Variants in RAPGEF2 observed in about 807,000 individuals in gnomAD.
The protein encoded by RAPGEF2 is PDZ domain containing guanine nucleotide exchange factor (GEF) 1.
RAPGEF2 carries 54 observed loss-of-function variants against 186.7 expected under a neutral mutation model. The observed-to-expected ratio is 0.29, with a 90% CI of 0.23 to 0.36. RAPGEF2 has a LOEUF of 0.36. RAPGEF2 is among the 10% of genes least tolerant of loss of function. The pLI is 1.00. For synonymous variants in RAPGEF2, 712 were observed against 705.9 expected (o/e 1.01, Z -0.14); for missense variants, 1,532 against 2,045.0 (o/e 0.75, Z 4.84).
At chr4:159,348,987 C>A (rs1220283027) in intron 25 of RAPGEF2, among the ~76,000 whole-genome samples, 3 of 152,124 alleles carry the variant, frequency 2.0e-5, no homozygotes, top group Non-Finnish European at 4.4e-5. Flanking sequence ...TCACTAGCAC[C>A]ACTTTTGAAG....
intron 1 of RAPGEF2, among the ~76,000 whole-genome samples, chr4:159,155,801 T>A (rs1744048493): frequency 6.6e-6 from 1 of 152,040 alleles, no homozygotes; most frequent in Non-Finnish European, 1.5e-5. Flanking sequence ...ATTTTTAATA[T>A]AACACTTATA....
intron 1 of RAPGEF2, among the ~76,000 whole-genome samples, chr4:159,173,900 C>T (rs1746173346): frequency 1.3e-5 from 2 of 152,104 alleles, no homozygotes. Flanking sequence ...GTCTGAGAGT[C>T]TATTAAAATA....
chr4:159,327,877 T>A (rs1766154879), intron 11 of RAPGEF2: 1 of 152,054 alleles, frequency 6.6e-6, no homozygotes, highest in Non-Finnish European at 1.5e-5. Flanking sequence ...TTTTTCCTTT[T>A]TGGATGGTGT....
rs749584006 is a variant in RAPGEF2 at position 159,338,457 on chromosome 4, G to A, written c.2282G>A (p.Ser761Asn). 4 of 1,613,074 alleles carry A rather than the reference G, an allele frequency of 2.5e-6. No individual in the cohort carries two copies. Among genetic ancestry groups the A allele is most frequent in the South Asian group, 2.2e-5 (2 of 90,952 alleles). The change falls in exon 18 of 30, where the codon AGT becomes AAT. Residue 761 changes from serine (S) to asparagine (N), a missense_variant. Around this residue, in one of 4 missense-constraint regions of RAPGEF2, gnomAD observed 810 missense variants for 1,210.5 expected, o/e 0.67. Transcript: ENST00000691494. Reference protein sequence around the residue: ...LQSHHRILDFSATPDLPDQVL... With the variant: ...LQSHHRILDFNATPDLPDQVL... ...TCACATCATCGCATTTTAGACTTCA[G>A]TGCTACTCCTGGTGAGTATCACCAA...
At chr4:159,354,634 A>C (rs1731690645) in intron 28 of RAPGEF2, among the ~76,000 whole-genome samples, 1 of 152,200 alleles carries the variant, frequency 6.6e-6, no homozygotes, top group Admixed American at 6.5e-5. Flanking sequence ...CCACTTTATT[A>C]GTTTTGTGAC....
At chr4:159,203,686 G>A (rs960111457) in intron 3 of RAPGEF2, among the ~76,000 whole-genome samples, 4 of 152,210 alleles carry the variant, frequency 2.6e-5, no homozygotes, top group Non-Finnish European at 4.4e-5. Context: ...GAAGTTTGCA[G>A]CATAAGGAAT....
chr4:159,171,413 A>G (rs1745891679), intron 1 of RAPGEF2, among the ~76,000 whole-genome samples: 1 of 152,166 alleles, frequency 6.6e-6, no homozygotes, highest in Non-Finnish European at 1.5e-5. Context: ...ACTGAGCCAC[A>G]GAGAGGTTGA....
At chr4:159,328,738 T>C (rs1766271048) in intron 11 of RAPGEF2, 1 of 152,328 alleles carries the variant, frequency 6.6e-6, no homozygotes, top group African/African-American at 2.4e-5. Context: ...TTTACTCATC[T>C]GTACAGTGGG....
intron 17 of RAPGEF2, among the ~76,000 whole-genome samples, chr4:159,337,889 C>CAAAAAAAAAAA (rs553291521): frequency 0.057 from 1,853 of 32,510 alleles, 328 homozygotes; most frequent in Non-Finnish European, 0.11. Flanking sequence ...GACTCCATCT[C>CAAAAAAAAAAA]AAAAAAAAAA....
chr4:159,251,844 C>T (rs891840448), intron 7 of RAPGEF2, among the ~76,000 whole-genome samples: 2 of 151,746 alleles, frequency 1.3e-5, no homozygotes, highest in Admixed American at 6.6e-5. Context: ...ACAGGCTGCC[C>T]AGTTTGCCGC....
At position 159,317,806 on chromosome 4, in the gene RAPGEF2, TA is replaced by T. The variant is rs554302293; in HGVS notation, c.853+3049del. 1.8e-3 allele frequency among the ~76,000 whole-genome samples: 261 copies of T among 148,816 alleles called. 3 individuals are homozygous for T. Among genetic ancestry groups the T allele is most frequent in the South Asian group, 8.0e-3 (38 of 4,726 alleles). On this transcript the variant is annotated intron_variant, in intron 9 of 29. Coordinates refer to ENST00000691494, the MANE Select transcript of RAPGEF2 (RefSeq NM_001394067.2). ...TCAGAATCTTTACTCATAGGTGCTT[TA>T]AAAAAAAAAATTGGTGAAACGTTGC... is the stretch of plus-strand genomic sequence containing the variant.
chr4:159,354,564 G>C (rs1375696494), intron 28 of RAPGEF2, among the ~76,000 whole-genome samples: 1 of 152,230 alleles, frequency 6.6e-6, no homozygotes, highest in African/African-American at 2.4e-5. Flanking sequence ...TGCTAATAGT[G>C]TAATGACTAA....
intron 7 of RAPGEF2, among the ~76,000 whole-genome samples, chr4:159,295,748 TGTGTGTGCGC>T (rs1328504967): frequency 2.4e-4 from 27 of 112,090 alleles, no homozygotes; most frequent in South Asian, 5.5e-4. Flanking sequence ...TGTGTGTGTG[TGTGTGTGCGC>T]GCGCGCGCGC....
intron 7 of RAPGEF2, chr4:159,267,892 T>A: frequency 1.7e-6 from 2 of 1,154,418 alleles, no homozygotes; most frequent in Non-Finnish European, 2.1e-6. Flanking sequence ...TGAGGTTTTC[T>A]CAGTCTTGTC....
intron 1 of RAPGEF2, among the ~76,000 whole-genome samples, chr4:159,108,191 T>G (rs1463772972): frequency 6.6e-6 from 1 of 152,224 alleles, no homozygotes; most frequent in Non-Finnish European, 1.5e-5. Flanking sequence ...TTAACATTCC[T>G]TGCAATATTG....
At chr4:159,204,418 A>AG in intron 3 of RAPGEF2, among the ~76,000 whole-genome samples, 1 of 152,130 alleles carries the variant, frequency 6.6e-6, no homozygotes, top group Non-Finnish European at 1.5e-5. Flanking sequence ...GGTTATGTTG[A>AG]GGGGTAGTAG....
intron 1 of RAPGEF2, among the ~76,000 whole-genome samples, chr4:159,163,920 C>T (rs1045086880): frequency 4.6e-5 from 7 of 151,914 alleles, no homozygotes; most frequent in African/African-American, 1.7e-4. Context: ...TTGTATCTCA[C>T]ATATCAGGGC....
intron 4 of RAPGEF2, among the ~76,000 whole-genome samples, chr4:159,237,030 CTTCTT>C (rs1386923893): frequency 1.3e-5 from 2 of 152,012 alleles, no homozygotes; most frequent in East Asian, 1.9e-4. Flanking sequence ...GAAACTTTTT[CTTCTT>C]TTCAAGACAG....
intron 17 of RAPGEF2, chr4:159,332,968 T>TTTTA (rs565986655): frequency 7.6e-4 from 147 of 192,340 alleles, no homozygotes; most frequent in South Asian, 2.8e-3. Context: ...ATTTTTTAAT[T>TTTTA]TTTATTTATT....
Sources: allele counts gnomAD v4.1 joint callset (sites outside exome capture counted in the v4.1 genomes callset), GRCh38; gene constraint gnomAD v4.1.1; regional missense constraint gnomAD v4.1.1; transcripts MANE v1.5; gene names NCBI Gene and HGNC (gene_info 2026-07-23, HGNC 2026-07-21).